Variants in PTER observed in about 807,000 individuals in gnomAD.
PTER encodes phosphotriesterase related, also known as N-acetyltaurine hydrolase.
In PTER, 38 loss-of-function variants were observed where a neutral mutation model predicts 29.6. The observed-to-expected ratio is 1.28, with a 90% confidence interval of 0.99 to 1.68. The LOEUF is 1.68. Among genes scored for constraint, PTER ranks in the 40% most tolerant of loss-of-function variants. The pLI, the probability that PTER is intolerant of heterozygous loss-of-function variation, is 0.00. For synonymous variants in PTER, 172 were observed against 154.5 expected (o/e 1.11, Z -0.84); for missense variants, 482 against 427.8 (o/e 1.13, Z -1.12).
At chr10:16,440,413 AAAAG>A (rs1408515592) in intron 1 of PTER, among the ~76,000 whole-genome samples, 1 of 152,178 alleles carries the variant, frequency 6.6e-6, no homozygotes, top group African/African-American at 2.4e-5. Context: ...AAAAAAAAGA[AAAAG>A]AAAAAAGAAT....
chr10:16,508,803 C>T (rs1836698346), intron 4 of PTER, among the ~76,000 whole-genome samples: 1 of 152,118 alleles, frequency 6.6e-6, no homozygotes, highest in Non-Finnish European at 1.5e-5. Context: ...CCATGTTAAG[C>T]ACTGAATGCC....
chr10:16,514,237 G>T (rs563406228), downstream of PTER: 63 of 440,660 alleles, frequency 1.4e-4, no homozygotes, highest in Middle Eastern at 5.6e-4. Context: ...CAATGTCTTA[G>T]ATTTGTCTAT....
intron 1 of PTER, among the ~76,000 whole-genome samples, chr10:16,481,574 A>C (rs1835481841): frequency 6.6e-6 from 1 of 152,174 alleles, no homozygotes. Context: ...ATTGTGTGTG[A>C]TCATAGGAAG....
At chr10:16,466,131 A>T (rs1289219432) in intron 1 of PTER, among the ~76,000 whole-genome samples, 1 of 152,136 alleles carries the variant, frequency 6.6e-6, no homozygotes, top group Non-Finnish European at 1.5e-5. Context: ...TTATCAAAAC[A>T]AAATCTAGTT....
intron 1 of PTER, among the ~76,000 whole-genome samples, chr10:16,440,826 C>G (rs1052104540): frequency 1.3e-5 from 2 of 152,258 alleles, no homozygotes; most frequent in South Asian, 2.1e-4. Flanking sequence ...GTGGTCAGAC[C>G]CTGAGATTCG....
intron 1 of PTER, among the ~76,000 whole-genome samples, chr10:16,451,880 A>C (rs975510634): frequency 6.6e-6 from 1 of 152,158 alleles, no homozygotes; most frequent in Non-Finnish European, 1.5e-5. Flanking sequence ...GATGTTGCTA[A>C]GCCCTTTAAT....
At chr10:16,471,753 C>G (rs138731554) in intron 1 of PTER, among the ~76,000 whole-genome samples, 1 of 152,118 alleles carries the variant, frequency 6.6e-6, no homozygotes, top group African/African-American at 2.4e-5. Flanking sequence ...GCATAATGTT[C>G]CATCCTGTTT....
At chr10:16,491,781 AC>A (rs776622908) in intron 3 of PTER, among the ~76,000 whole-genome samples, 66 of 152,286 alleles carry the variant, frequency 4.3e-4, no homozygotes, top group Non-Finnish European at 7.6e-4. Flanking sequence ...CCTCAGTCTT[AC>A]CTACCCATGA....
Position 16,485,414 on chromosome 10 carries a change from CT to C in PTER, c.432+604del, listed in dbSNP as rs34310390. On this transcript the variant is annotated intron_variant, in intron 2 of 4. Transcript: ENST00000535784. ...GGACAAAAAGAATAAGGTGCAAAACCTTTTTTGCACGTGTATGTGTTCTCTT... is the reference window on the plus strand; with the variant it reads ...GGACAAAAAGAATAAGGTGCAAAACCTTTTTGCACGTGTATGTGTTCTCTT... Among the ~76,000 whole-genome samples, 618 of 152,190 alleles carry C rather than the reference CT, an allele frequency of 4.1e-3. 4 individuals carry two copies. Among genetic ancestry groups the C allele is most frequent in the African/African-American group, 0.013 (555 of 41,532 alleles).
At chr10:16,474,427 A>G (rs1298359197) in intron 1 of PTER, among the ~76,000 whole-genome samples, 8 of 152,200 alleles carry the variant, frequency 5.3e-5, no homozygotes, top group Non-Finnish European at 1.2e-4. Context: ...CATATTTATA[A>G]TGATGACTTA....
At chr10:16,474,406 A>G (rs1042684667) in intron 1 of PTER, among the ~76,000 whole-genome samples, 2 of 152,184 alleles carry the variant, frequency 1.3e-5, no homozygotes, top group African/African-American at 4.8e-5. Context: ...TCTTTGTTCT[A>G]ACCATTAGGG....
At position 16,511,392 on chromosome 10, in the gene PTER, G is replaced by T; in HGVS notation, c.*136G>T. On this transcript the variant is annotated 3_prime_UTR_variant, in exon 5 of 5. Coordinates refer to ENST00000535784, the MANE Select transcript of PTER (RefSeq NM_001261836.2). Reference sequence around the variant, plus strand: ...TTTCCTTCTGATGAGAACTAGGAGGGTTTGCCTTCTCTGAGACCAGCTATT... The same window carrying T: ...TTTCCTTCTGATGAGAACTAGGAGGTTTTGCCTTCTCTGAGACCAGCTATT... The T allele has an allele frequency of 1.2e-6, 1 of 808,662 alleles. No homozygotes were observed. The highest frequency in any genetic ancestry group is 1.7e-5 in the South Asian group (1 of 59,478). 50.1% of individuals were successfully genotyped at this position (808,662 alleles called of 1,614,324 possible). A position where few individuals can be genotyped will look rare whatever the true frequency, so the allele number is the denominator to read the frequency against.
Position 16,469,694 on chromosome 10 carries a change from C to T in PTER, c.-48-14643C>T, listed in dbSNP as rs180992900. Reference sequence around the variant, plus strand: ...GGCTCAAGTGATCCTTCTGCCTCAGCCTCCTGTGTAGGTGGGACCACAGGT... The same window carrying T: ...GGCTCAAGTGATCCTTCTGCCTCAGTCTCCTGTGTAGGTGGGACCACAGGT... On this transcript the variant is annotated intron_variant, in intron 1 of 4. Coordinates refer to ENST00000535784, the MANE Select transcript of PTER (RefSeq NM_001261836.2). Among the ~76,000 whole-genome samples the T allele has an allele frequency of 2.4e-3, 368 of 152,220 alleles. 1 individual carries two copies. Among genetic ancestry groups the T allele is most frequent in the African/African-American group, 8.2e-3 (342 of 41,542 alleles).
At chr10:16,491,929 T>A (rs1194158042) in intron 3 of PTER, among the ~76,000 whole-genome samples, 1 of 151,018 alleles carries the variant, frequency 6.6e-6, no homozygotes, top group African/African-American at 2.4e-5. Flanking sequence ...GATTCATGCA[T>A]TTGTATGGGT....
intron 1 of PTER, among the ~76,000 whole-genome samples, 193 bp from the exon 2 acceptor site, chr10:16,484,144 C>G (rs1034758630): frequency 6.6e-6 from 1 of 152,070 alleles, no homozygotes; most frequent in African/African-American, 2.4e-5. Flanking sequence ...GCAATTAACA[C>G]CACGCACGTC....
At chr10:16,438,469 G>GTTTT (rs1554784924) in intron 1 of PTER, among the ~76,000 whole-genome samples, 5 of 95,054 alleles carry the variant, frequency 5.3e-5, no homozygotes, top group African/African-American at 2.2e-4. Flanking sequence ...TCTGTTTTTT[G>GTTTT]TTTTTTTTTT....
At chr10:16,464,657 G>A (rs1318997192) in intron 1 of PTER, among the ~76,000 whole-genome samples, 1 of 152,146 alleles carries the variant, frequency 6.6e-6, no homozygotes, top group East Asian at 1.9e-4. Flanking sequence ...TTAAAGTCTG[G>A]AAACATGCTC....
rs142987230 is a variant in PTER, at chr10:16,502,388, C to G, written c.699-2632C>G. On this transcript the variant is annotated intron_variant, in intron 3 of 4. Transcript: ENST00000535784. Reference sequence around the variant, plus strand: ...ATAGAAAAACACATATTCTTTCAGCCTAGTAATTTTGGAAGCAAAAGATGG... The same window carrying G: ...ATAGAAAAACACATATTCTTTCAGCGTAGTAATTTTGGAAGCAAAAGATGG... Among the ~76,000 whole-genome samples the G allele has an allele frequency of 1.3e-4, 20 of 151,968 alleles. No homozygotes were observed. The East Asian group carries it at 3.9e-3, about 29-fold the overall frequency.
chr10:16,501,001 G>A (rs576848869), intron 3 of PTER, among the ~76,000 whole-genome samples: 3 of 152,000 alleles, frequency 2.0e-5, no homozygotes, highest in African/African-American at 7.2e-5. Context: ...GCACGATCTC[G>A]GCTCACTGCA....
Sources: gnomAD v4.1 joint callset for allele counts (sites outside exome capture counted in the v4.1 genomes callset) on GRCh38, gnomAD v4.1.1 for gene constraint, MANE v1.5 for transcripts, NCBI Gene and HGNC (gene_info 2026-07-23, HGNC 2026-07-21) for gene names.